Variants in ABCB1 observed in about 807,000 individuals in gnomAD.
ABCB1 encodes ATP-dependent translocase ABCB1.
A neutral mutation model predicts 142.0 loss-of-function variants in ABCB1; 69 were observed. The observed-to-expected ratio is 0.49, with a 90% CI of 0.40 to 0.59. The LOEUF is 0.59. ABCB1 is among the 20% of genes least tolerant of loss of function. The pLI, the probability that ABCB1 is intolerant of heterozygous loss-of-function variation, is 0.00. For missense variants in ABCB1, 1,326 were observed against 1,554.7 expected, an observed-to-expected ratio of 0.85 and a Z score of 2.47; for synonymous variants, 532 against 539.2, an observed-to-expected ratio of 0.99 and a Z score of 0.18.
chr7:87,640,048 T>C (rs546830759), intron 1 of ABCB1, among the ~76,000 whole-genome samples: 128 of 151,034 alleles, frequency 8.5e-4, no homozygotes, highest in African/African-American at 3.0e-3. Context: ...CATTTCTTTA[T>C]ATATGTTTAT....
rs541750960 is a variant in ABCB1 at position 87,584,535 on chromosome 7, C to T, written c.286+977G>A. 2.6e-4 allele frequency among the ~76,000 whole-genome samples: 39 copies of T among 152,020 alleles called. 1 individual carries two copies. The highest frequency in any genetic ancestry group is 6.2e-4 in the South Asian group (3 of 4,818). On this transcript the variant is annotated intron_variant, in intron 4 of 27. Transcript: ENST00000622132. ...AGATATCAACCCATTCCTCCCCAAT[C>T]GAGAAAGAGAGAGAGAGAGGGAGAG...
rs200619926 is a variant in ABCB1 at position 87,566,056 on chromosome 7, C to T, written c.702+14G>A. 193 of 1,614,110 alleles carry T rather than the reference C, an allele frequency of 1.2e-4. 1 individual carries two copies. In the East Asian group the frequency reaches 4.2e-3, roughly 35 times the overall value. ...AGGTGCAGTTCAAAATCTGGATTCA[C>T]AGGCTTCACCTACCTTTGCCCAGAC... On this transcript the variant is annotated intron_variant, in intron 7 of 27. Transcript: ENST00000622132.
chr7:87,526,164 C>CTTT (rs78401397), intron 21 of ABCB1, among the ~76,000 whole-genome samples: 2 of 144,648 alleles, frequency 1.4e-5, no homozygotes, highest in Non-Finnish European at 1.5e-5. Context: ...CACCCACCAC[C>CTTT]TTTTTTTTTT....
At chr7:87,618,425 G>A (rs1820098245) in intron 1 of ABCB1, among the ~76,000 whole-genome samples, 1 of 152,132 alleles carries the variant, frequency 6.6e-6, no homozygotes, top group South Asian at 2.1e-4. Context: ...ACTACCAGTA[G>A]GCTGATAGTC....
intron 1 of ABCB1, among the ~76,000 whole-genome samples, chr7:87,651,822 G>A (rs1470662857): frequency 2.0e-5 from 3 of 152,030 alleles, no homozygotes; most frequent in Admixed American, 2.0e-4. Flanking sequence ...CAGAGCAAAG[G>A]ATTGAATTGA....
At chr7:87,678,800 T>G (rs1826630014) in intron 1 of ABCB1, among the ~76,000 whole-genome samples, 2 of 152,108 alleles carry the variant, frequency 1.3e-5, no homozygotes, top group African/African-American at 4.8e-5. Context: ...TCAAAGTAGA[T>G]TTCAGAACAA....
Position 87,504,250 on chromosome 7 carries a change from C to A in ABCB1, c.3836G>T (p.Arg1279Leu), listed in dbSNP as rs200263370. The stretch of plus-strand genomic sequence containing the variant: ...ATCTCATACAGTCAGAGTTCACTGG[C>A]GCTTTGTTCCAGCCTGGACACTGAC... ...SMVSVQAGTK[R>L]Q Residue 1279 changes from arginine (R) to leucine (L), a missense_variant, in exon 28 of 28, where the codon CGC (arginine) becomes CTC (leucine). Physicochemically the swap from Arg to Leu is moderately radical, Grantham distance 102. Coordinates refer to ENST00000622132, the MANE Select transcript of ABCB1 (RefSeq NM_001348946.2). The A allele has an allele frequency of 3.1e-6, 5 of 1,613,966 alleles. No homozygotes were observed. The African/African-American group carries it at 6.7e-5, about 22-fold the overall frequency.
chr7:87,539,409 G>T, intron 18 of ABCB1, 64 bp from the exon 19 acceptor site: 1 of 1,497,114 alleles, frequency 6.7e-7, no homozygotes, highest in Non-Finnish European at 9.3e-7. Flanking sequence ...AGGGAGAATT[G>T]ATGTCTTTGC....
chr7:87,561,500 C>A lies in ABCB1; in HGVS notation c.703-113G>T, dbSNP rs1817563173. 3 of 1,069,026 alleles carry A rather than the reference C, an allele frequency of 2.8e-6. No homozygotes were observed. In the South Asian group the frequency reaches 4.6e-5, roughly 16 times the overall value. 66.2% of individuals were successfully genotyped at this position (1,069,026 alleles called of 1,614,324 possible). ...CTTATACATTAATGCATGTGTAGAG[C>A]AAAATCTGTCTTTTACTTGCCTTTG... On this transcript the variant is annotated intron_variant, in intron 7 of 27. Transcript: ENST00000622132.
intron 14 of ABCB1, among the ~76,000 whole-genome samples, chr7:87,547,366 T>C (rs1164273521): frequency 6.6e-6 from 1 of 152,202 alleles, no homozygotes; most frequent in Non-Finnish European, 1.5e-5. Flanking sequence ...TATTTTAAAA[T>C]ATAACCTTTT....
intron 1 of ABCB1, among the ~76,000 whole-genome samples, chr7:87,704,911 T>G (rs1271355879): frequency 6.6e-6 from 1 of 152,210 alleles, no homozygotes; most frequent in Non-Finnish European, 1.5e-5. Context: ...TTATTGAGGC[T>G]TACAGCTGCA....
At chr7:87,524,603 G>A (rs1283201066) in intron 21 of ABCB1, among the ~76,000 whole-genome samples, 1 of 151,980 alleles carries the variant, frequency 6.6e-6, no homozygotes, top group Middle Eastern at 3.2e-3. Flanking sequence ...GGGAAGGGGG[G>A]AGGGATAGCA....
intron 1 of ABCB1, among the ~76,000 whole-genome samples, chr7:87,659,049 G>A (rs1472488275): frequency 2.6e-5 from 4 of 152,080 alleles, no homozygotes; most frequent in Non-Finnish European, 5.9e-5. Flanking sequence ...ACCTATTTGG[G>A]CGGCTGAGGT....
chr7:87,710,244 A>T (rs1389954341), intron 1 of ABCB1, among the ~76,000 whole-genome samples: 1 of 152,160 alleles, frequency 6.6e-6, no homozygotes, highest in Non-Finnish European at 1.5e-5. Context: ...GATTTGCGGT[A>T]TTGAAGTAGA....
At chr7:87,614,366 C>A (rs1464546452) in intron 1 of ABCB1, among the ~76,000 whole-genome samples, 1 of 150,800 alleles carries the variant, frequency 6.6e-6, no homozygotes, top group Non-Finnish European at 1.5e-5. Flanking sequence ...TGCACTACAG[C>A]CTGAGCAACA....
rs749859568 is a variant in ABCB1 at position 87,550,205 on chromosome 7, A to G, written c.1316T>C (p.Leu439Pro). 1 of 1,614,214 alleles carries G rather than the reference A, an allele frequency of 6.2e-7. No homozygotes were observed. Among genetic ancestry groups the G allele is most frequent in the South Asian group, 1.1e-5 (1 of 91,086 alleles). The change falls in exon 12 of 28, where the codon CTG becomes CCG. Residue 439 changes from leucine (L) to proline (P), a missense_variant. Transcript: ENST00000622132. ...TGTGGGGTCATAGAGCCTCTGCATC[A>G]GCTGGACTGTTGTGCTCTTCCCACA... ...SGCGKSTTVQ[L>P]MQRLYDPTEG...
intron 1 of ABCB1, among the ~76,000 whole-genome samples, chr7:87,638,850 T>G (rs1409343966): frequency 1.3e-5 from 2 of 152,154 alleles, no homozygotes; most frequent in Non-Finnish European, 2.9e-5. Context: ...GACTCCTCAG[T>G]TTATTTAGAA....
chr7:87,531,848 A>G (rs1003015428), intron 20 of ABCB1, among the ~76,000 whole-genome samples: 1 of 152,202 alleles, frequency 6.6e-6, no homozygotes, highest in South Asian at 2.1e-4. Context: ...GAAATTTCCA[A>G]TGTTAGGTAT....
intron 1 of ABCB1, among the ~76,000 whole-genome samples, chr7:87,712,645 T>C (rs1042283822): frequency 2.6e-5 from 4 of 152,064 alleles, no homozygotes; most frequent in Non-Finnish European, 5.9e-5. Context: ...ACAAGTAGTT[T>C]AAATATTTAA....
Sources: allele counts gnomAD v4.1 joint callset (sites outside exome capture counted in the v4.1 genomes callset), GRCh38; gene constraint gnomAD v4.1.1; transcripts MANE v1.5; gene names NCBI Gene and HGNC (gene_info 2026-07-23, HGNC 2026-07-21).